Variants in ERBB4 observed in about 807,000 individuals in gnomAD.
ERBB4 encodes the protein erb-b2 receptor tyrosine kinase 4.
A neutral mutation model predicts 158.0 loss-of-function variants in ERBB4; 42 were observed. That is an observed-to-expected ratio of 0.27 (90% CI 0.21 to 0.34). ERBB4 has a LOEUF of 0.34. Ranked by LOEUF, ERBB4 falls within the 10% of genes least tolerant of loss-of-function variation. ERBB4 has a pLI of 1.00. For synonymous variants in ERBB4, 583 were observed against 558.7 expected (o/e 1.04, Z -0.61); for missense variants, 1,333 against 1,624.1 (o/e 0.82, Z 3.08).
At chr2:211,641,797 A>C (rs1023143056) in intron 16 of ERBB4, among the ~76,000 whole-genome samples, 1 of 152,174 alleles carries the variant, frequency 6.6e-6, no homozygotes, top group Non-Finnish European at 1.5e-5. Flanking sequence ...TTTCAAGAAT[A>C]TTTGTTTTTA....
chr2:212,174,475 CA>C (rs1283888667), intron 1 of ERBB4, among the ~76,000 whole-genome samples: 1 of 152,120 alleles, frequency 6.6e-6, no homozygotes, highest in East Asian at 1.9e-4. Flanking sequence ...ACAAATTACC[CA>C]ATATGGACTT....
chr2:212,328,647 T>C (rs998871276), intron 1 of ERBB4, among the ~76,000 whole-genome samples: 10 of 152,156 alleles, frequency 6.6e-5, no homozygotes, highest in Non-Finnish European at 1.2e-4. Context: ...TTATACCATA[T>C]AGTATGTAGG....
chr2:211,772,241 T>C (rs921683430), intron 4 of ERBB4, among the ~76,000 whole-genome samples: 3 of 152,096 alleles, frequency 2.0e-5, no homozygotes, highest in Non-Finnish European at 4.4e-5. Flanking sequence ...AATTGGGGCT[T>C]TTTTCCCCTA....
At chr2:211,540,019 C>T (rs1559275428) in intron 20 of ERBB4, among the ~76,000 whole-genome samples, 1 of 151,622 alleles carries the variant, frequency 6.6e-6, no homozygotes, top group South Asian at 2.1e-4. Context: ...TGGATATATC[C>T]ATAAGTCATG....
chr2:211,504,160 C>G (rs775014944), intron 20 of ERBB4, among the ~76,000 whole-genome samples: 68 of 152,046 alleles, frequency 4.5e-4, no homozygotes, highest in Non-Finnish European at 7.4e-4. Flanking sequence ...ATAAATTGCA[C>G]TACCCAATAT....
At chr2:211,820,874 A>G (rs1200644098) in intron 3 of ERBB4, among the ~76,000 whole-genome samples, 1 of 151,868 alleles carries the variant, frequency 6.6e-6, no homozygotes, top group Admixed American at 6.6e-5. Context: ...AATCAGGATA[A>G]GAACTCTCAA....
chr2:212,249,022 T>G (rs1263788807), intron 1 of ERBB4, among the ~76,000 whole-genome samples: 1 of 152,140 alleles, frequency 6.6e-6, no homozygotes, highest in African/African-American at 2.4e-5. Flanking sequence ...ATGCCTGATT[T>G]CTACAATGTA....
At chr2:212,433,560 A>T (rs2092075846) in intron 1 of ERBB4, among the ~76,000 whole-genome samples, 1 of 151,978 alleles carries the variant, frequency 6.6e-6, no homozygotes, top group African/African-American at 2.4e-5. Flanking sequence ...CCTTTAATAC[A>T]ACTTTCAGGC....
At chr2:212,427,432 G>T (rs529137073) in intron 1 of ERBB4, among the ~76,000 whole-genome samples, 1 of 152,026 alleles carries the variant, frequency 6.6e-6, no homozygotes. Flanking sequence ...ATTCTGCCTC[G>T]AACCTATTCT....
intron 1 of ERBB4, among the ~76,000 whole-genome samples, chr2:212,341,363 A>AT (rs927400442): frequency 1.3e-5 from 2 of 151,424 alleles, no homozygotes; most frequent in Non-Finnish European, 2.9e-5. Flanking sequence ...AATGTCTTAA[A>AT]TTTTTTTTTG....
At chr2:212,133,095 A>G (rs1171685655) in intron 1 of ERBB4, among the ~76,000 whole-genome samples, 2 of 151,838 alleles carry the variant, frequency 1.3e-5, no homozygotes, top group Non-Finnish European at 2.9e-5. Context: ...GTAACTTAAA[A>G]TTTTTTGGTT....
At chr2:211,402,905 C>T (rs1294838998) in intron 25 of ERBB4, among the ~76,000 whole-genome samples, 1 of 151,962 alleles carries the variant, frequency 6.6e-6, no homozygotes, top group African/African-American at 2.4e-5. Flanking sequence ...GACAGCCGTT[C>T]CTCCTACATA....
At chr2:211,772,884 T>TAC (rs1219517961) in intron 4 of ERBB4, among the ~76,000 whole-genome samples, 1,004 of 83,030 alleles carry the variant, frequency 0.012, 54 homozygotes, top group Non-Finnish European at 0.02. Context: ...TATATATATA[T>TAC]ACACACACAC....
At chr2:211,824,876 G>A (rs4672628) in intron 3 of ERBB4, among the ~76,000 whole-genome samples, 132,024 of 151,962 alleles carry the variant, frequency 0.87, 57,485 homozygotes, top group African/African-American at 0.92. Flanking sequence ...GTTAATTACC[G>A]GACTGTAATG....
At chr2:212,480,942 C>T (rs1177957914) in intron 1 of ERBB4, among the ~76,000 whole-genome samples, 1 of 151,888 alleles carries the variant, frequency 6.6e-6, no homozygotes, top group Non-Finnish European at 1.5e-5. Flanking sequence ...ACATAATTGC[C>T]CTCTCAATTT....
At chr2:212,332,591 T>G (rs1163242720) in intron 1 of ERBB4, among the ~76,000 whole-genome samples, 1 of 152,052 alleles carries the variant, frequency 6.6e-6, no homozygotes, top group Non-Finnish European at 1.5e-5. Flanking sequence ...AGTAATGCTG[T>G]CATTATTATT....
intron 3 of ERBB4, among the ~76,000 whole-genome samples, chr2:211,931,179 C>A (rs1421208238): frequency 2.0e-5 from 3 of 152,032 alleles, no homozygotes; most frequent in African/African-American, 7.2e-5. Context: ...TTTCCCTCCC[C>A]AAAAGTCATC....
chr2:212,288,247 C>T (rs1236000022), intron 1 of ERBB4, among the ~76,000 whole-genome samples: 1 of 151,988 alleles, frequency 6.6e-6, no homozygotes, highest in Non-Finnish European at 1.5e-5. Flanking sequence ...CTAGTTTAGA[C>T]TAGGTTTCAG....
intron 17 of ERBB4, among the ~76,000 whole-genome samples, chr2:211,627,313 C>T (rs1403980518): frequency 1.3e-5 from 2 of 152,228 alleles, no homozygotes. Context: ...CTTTCATTCA[C>T]ATGTGCAAGA....
Sources: allele counts gnomAD v4.1 joint callset (sites outside exome capture counted in the v4.1 genomes callset), GRCh38; gene constraint gnomAD v4.1.1; transcripts MANE v1.5; gene names NCBI Gene and HGNC (gene_info 2026-07-23, HGNC 2026-07-21).